Variants in DDAH1 observed in about 807,000 individuals in gnomAD.
DDAH1 encodes dimethylarginine dimethylaminohydrolase 1.
A neutral mutation model predicts 28.8 loss-of-function variants in DDAH1; 19 were observed. That is an observed-to-expected ratio of 0.66 (90% CI 0.46 to 0.97). The LOEUF is 0.97. Ranked by LOEUF, DDAH1 falls within the 50% of genes least tolerant of loss-of-function variation. The pLI is 0.00. For synonymous variants in DDAH1, 153 were observed against 154.4 expected (o/e 0.99, Z 0.07); for missense variants, 326 against 375.9 (o/e 0.87, Z 1.10).
chr1:85,510,934 A>C (rs947226705), intron 1 of DDAH1, among the ~76,000 whole-genome samples: 1 of 152,240 alleles, frequency 6.6e-6, no homozygotes, highest in Non-Finnish European at 1.5e-5. Flanking sequence ...AATATTAGAC[A>C]GATCAAAGAG....
chr1:85,511,127 G>A (rs988994250), intron 1 of DDAH1, among the ~76,000 whole-genome samples: 4 of 152,152 alleles, frequency 2.6e-5, no homozygotes, highest in African/African-American at 2.4e-5. Context: ...AAATATGAAA[G>A]ACCAGAAATC....
rs867243119 is a variant in DDAH1 at position 85,356,385 on chromosome 1, G to C, written c.403+2363C>G. 3.9e-5 allele frequency among the ~76,000 whole-genome samples: 6 copies of C among 152,256 alleles called. No homozygotes were observed. The South Asian group carries it at 1.2e-3, about 32-fold the overall frequency. On this transcript the variant is annotated intron_variant, in intron 2 of 5. Transcript: ENST00000284031. ...ATTATTAATGAGGCTTTGAATTACA[G>C]AGAAAAGAGGACATAGAGCACATAG...
At chr1:85,397,106 T>C (rs558842925) in intron 1 of DDAH1, among the ~76,000 whole-genome samples, 1 of 152,198 alleles carries the variant, frequency 6.6e-6, no homozygotes, top group African/African-American at 2.4e-5. Context: ...TTGGTTATTA[T>C]GTTAAAATGT....
At chr1:85,451,982 A>T (rs1359467178) in intron 1 of DDAH1, among the ~76,000 whole-genome samples, 2 of 152,214 alleles carry the variant, frequency 1.3e-5, no homozygotes, top group East Asian at 3.8e-4. Flanking sequence ...AATACTCTGT[A>T]GCATTAATGC....
chr1:85,454,658 A>G (rs1368698299), intron 1 of DDAH1, among the ~76,000 whole-genome samples: 2 of 152,208 alleles, frequency 1.3e-5, no homozygotes, highest in Non-Finnish European at 2.9e-5. Context: ...AACAATACTT[A>G]CCCTTATGAC....
intron 4 of DDAH1, among the ~76,000 whole-genome samples, chr1:85,334,979 CA>C (rs1318651192): frequency 3.9e-5 from 6 of 152,108 alleles, no homozygotes; most frequent in Non-Finnish European, 7.4e-5. Context: ...GTTTCCCAAA[CA>C]ACCAAAAACT....
intron 1 of DDAH1, among the ~76,000 whole-genome samples, chr1:85,403,471 C>G (rs1057049439): frequency 2.6e-5 from 4 of 152,110 alleles, no homozygotes; most frequent in Non-Finnish European, 5.9e-5. Flanking sequence ...TTTCCAGGCA[C>G]AGTGTCCTGG....
chr1:85,446,771 G>C (rs1001312693), intron 1 of DDAH1, among the ~76,000 whole-genome samples: 1 of 151,958 alleles, frequency 6.6e-6, no homozygotes, highest in Non-Finnish European at 1.5e-5. Flanking sequence ...GATGTATCAA[G>C]TTTCTGGGTA....
intron 1 of DDAH1, among the ~76,000 whole-genome samples, chr1:85,437,207 C>T (rs982569051): frequency 1.3e-5 from 2 of 152,188 alleles, no homozygotes; most frequent in Non-Finnish European, 2.9e-5. Flanking sequence ...TTCTGCCATA[C>T]TGGAGAGACC....
intron 2 of DDAH1, among the ~76,000 whole-genome samples, chr1:85,355,809 C>T (rs1271790666): frequency 1.3e-5 from 2 of 152,046 alleles, no homozygotes; most frequent in South Asian, 2.1e-4. Context: ...CAGAGAACTA[C>T]ACAACATTGA....
chr1:85,577,728 G>A (rs192951242), intron 1 of DDAH1, among the ~76,000 whole-genome samples: 65 of 152,182 alleles, frequency 4.3e-4, no homozygotes, highest in African/African-American at 1.5e-3. Flanking sequence ...TATTATTCTC[G>A]GTTGCCGCCA....
chr1:85,480,519 C>A (rs190578159), intron 2 of DDAH1, among the ~76,000 whole-genome samples: 1 of 152,060 alleles, frequency 6.6e-6, no homozygotes, highest in South Asian at 2.1e-4. Context: ...CTGAAGCTGG[C>A]GGATCACCTG....
chr1:85,426,901 ACT>A (rs1294255613), intron 1 of DDAH1, among the ~76,000 whole-genome samples: 23 of 130,166 alleles, frequency 1.8e-4, no homozygotes, highest in Non-Finnish European at 1.6e-5. Flanking sequence ...ACAGAGTGAG[ACT>A]CTGATTCTTA....
intron 4 of DDAH1, among the ~76,000 whole-genome samples, chr1:85,337,015 C>T (rs1570392551): frequency 6.6e-6 from 1 of 152,154 alleles, no homozygotes; most frequent in Non-Finnish European, 1.5e-5. Context: ...TGGGATTTAT[C>T]CCAAAGGTGC....
At chr1:85,394,646 C>A (rs925912325) in intron 1 of DDAH1, among the ~76,000 whole-genome samples, 5 of 152,120 alleles carry the variant, frequency 3.3e-5, no homozygotes, top group Non-Finnish European at 4.4e-5. Flanking sequence ...CTAACATTGG[C>A]ATACTGTAAA....
At chr1:85,342,037 T>C (rs543977138) in intron 4 of DDAH1, among the ~76,000 whole-genome samples, 28 of 152,238 alleles carry the variant, frequency 1.8e-4, no homozygotes, top group Middle Eastern at 3.4e-3. Context: ...CTGGCTGTTA[T>C]AAAATTTCCA....
At position 85,503,353 on chromosome 1, in the gene DDAH1, C is replaced by T. The variant is rs193036427; in HGVS notation, c.-122-7072G>A. 3.0e-3 allele frequency among the ~76,000 whole-genome samples: 453 copies of T among 152,194 alleles called. 1 individual carries two copies. Among genetic ancestry groups the T allele is most frequent in the Middle Eastern group, 0.01 (3 of 294 alleles). ...CTGAGTTGCTGAGATTACAGGTATG[C>T]GCCACCAGGCTAATTTTTTGTATTT... On this transcript the variant is annotated intron_variant, in intron 1 of 6. Coordinates refer to the DDAH1 transcript ENST00000426972.
chr1:85,510,593 T>A (rs1488052975), intron 1 of DDAH1, among the ~76,000 whole-genome samples: 1 of 152,158 alleles, frequency 6.6e-6, no homozygotes, highest in Non-Finnish European at 1.5e-5. Context: ...GGGTGCTGTA[T>A]TCAGGAGACC....
intron 1 of DDAH1, among the ~76,000 whole-genome samples, chr1:85,360,673 T>G (rs1316930119): frequency 6.6e-6 from 1 of 152,230 alleles, no homozygotes; most frequent in African/African-American, 2.4e-5. Context: ...TTGAAAAGTT[T>G]GTATGTAACT....
Sources: allele counts gnomAD v4.1 joint callset (sites outside exome capture counted in the v4.1 genomes callset), GRCh38; gene constraint gnomAD v4.1.1; transcripts MANE v1.5; gene names NCBI Gene and HGNC (gene_info 2026-07-23, HGNC 2026-07-21).